Variants in GRM4 observed in about 807,000 individuals in gnomAD.
The protein encoded by GRM4 is glutamate metabotropic receptor 4.
Under a neutral mutation model 81.7 loss-of-function variants are expected in GRM4, and 28 were observed. The observed-to-expected ratio is 0.34, with a 90% CI of 0.25 to 0.47. The LOEUF is 0.47. Ranked by LOEUF, GRM4 falls within the 20% of genes least tolerant of loss-of-function variation. GRM4 has a pLI of 1.00. For missense variants in GRM4, 948 were observed against 1,290.0 expected (o/e 0.73, Z 4.06); for synonymous variants, 488 against 528.8 (o/e 0.92, Z 1.06).
rs1027229549 is a variant in GRM4, at chr6:34,133,538, T to A, written c.-42A>T. 1 of 1,509,754 alleles carries A rather than the reference T, an allele frequency of 6.6e-7. No individual in the cohort carries two copies. Among genetic ancestry groups the A allele is most frequent in the African/African-American group, 1.4e-5 (1 of 71,918 alleles). 93.5% of individuals were successfully genotyped at this position (1,509,754 alleles called of 1,614,324 possible). On this transcript the variant is annotated 5_prime_UTR_variant, in exon 2 of 11. It removes the in-frame stop codon of an upstream open reading frame in the 5' UTR. Coordinates refer to ENST00000538487, the MANE Select transcript of GRM4 (RefSeq NM_000841.4). The surrounding 1 kb of genome is among the most constrained non-coding windows in gnomAD (Gnocchi z 6.5). The stretch of plus-strand genomic sequence containing the variant: ...GACCCATGAACGGCAGGCCCACTCC[T>A]AGCCCTGGCAGGCCCCTGGCCCCAC...
rs565176415 is a variant in GRM4, at chr6:34,042,987, G to A, written c.1169-2239C>T. 4.1e-4 allele frequency among the ~76,000 whole-genome samples: 62 copies of A among 152,258 alleles called. 1 individual carries two copies. The South Asian group carries it at 0.012, about 31-fold the overall frequency. ...TCCTCAGGGTAGGTACTCAGATATTGCTGAGTGGACAGTAGAAACCATAGA... is the reference window on the plus strand; with the variant it reads ...TCCTCAGGGTAGGTACTCAGATATTACTGAGTGGACAGTAGAAACCATAGA... On this transcript the variant is annotated intron_variant, in intron 6 of 10. Coordinates refer to ENST00000538487, the MANE Select transcript of GRM4 (RefSeq NM_000841.4). This position sits in a 1 kb window ranked among gnomAD's most constrained non-coding sequence, Gnocchi z 4.2.
intron 6 of GRM4, among the ~76,000 whole-genome samples, chr6:34,045,029 ACCC>A (rs1464981875): frequency 6.6e-6 from 1 of 151,452 alleles, no homozygotes; most frequent in Non-Finnish European, 1.5e-5. Context: ...ACACACACAC[ACCC>A]CCACCACACC....
intron 3 of GRM4, among the ~76,000 whole-genome samples, chr6:34,077,697 C>A (rs1767386558): frequency 6.6e-6 from 1 of 152,112 alleles, no homozygotes; most frequent in Non-Finnish European, 1.5e-5. Context: ...ACATCAGAGC[C>A]TTTAGTCAGA....
At chr6:34,044,161 TACAC>T (rs531019999) in intron 6 of GRM4, among the ~76,000 whole-genome samples, 27 of 145,008 alleles carry the variant, frequency 1.9e-4, no homozygotes, top group African/African-American at 5.1e-4. Flanking sequence ...TATATACACA[TACAC>T]ACACATATAC....
Position 34,090,890 on chromosome 6 carries a change from C to T in GRM4, c.736+993G>A, listed in dbSNP as rs1481368796. 6.6e-6 allele frequency among the ~76,000 whole-genome samples: 1 copy of T among 152,048 alleles called. No individual in the cohort carries two copies. Among genetic ancestry groups the T allele is most frequent in the African/African-American group, 2.4e-5 (1 of 41,364 alleles). On this transcript the variant is annotated intron_variant, in intron 3 of 10. Coordinates refer to ENST00000538487, the MANE Select transcript of GRM4 (RefSeq NM_000841.4). This position sits in a 1 kb window ranked among gnomAD's most constrained non-coding sequence, Gnocchi z 5.2. ...GTAGAGGCAGGGCCTTGGGAGAGAC[C>T]AGGGGCAGGGCAGACGGGCCCTCTC... is the stretch of plus-strand genomic sequence containing the variant.
At chr6:34,085,805 C>T (rs1008182656) in intron 3 of GRM4, among the ~76,000 whole-genome samples, 3 of 152,034 alleles carry the variant, frequency 2.0e-5, no homozygotes, top group South Asian at 2.1e-4. Flanking sequence ...GAGCAGGGTA[C>T]GGGGACTGGA....
At position 34,070,063 on chromosome 6, in the gene GRM4, G is replaced by A. The variant is rs775790627; in HGVS notation, c.737-8035C>T. Among the ~76,000 whole-genome samples, 31 of 152,248 alleles carry A rather than the reference G, an allele frequency of 2.0e-4. No homozygotes were observed. Among genetic ancestry groups the A allele is most frequent in the Non-Finnish European group, 3.2e-4 (22 of 68,016 alleles). ...TGACGGGGTTTTGAAGGGACAGCTC[G>A]GCAGGAGCTGCCAGCATGGGCGTGA... is the stretch of plus-strand genomic sequence containing the variant. On this transcript the variant is annotated intron_variant, in intron 3 of 10. Coordinates refer to ENST00000538487, the MANE Select transcript of GRM4 (RefSeq NM_000841.4). This position sits in a 1 kb window ranked among gnomAD's most constrained non-coding sequence, Gnocchi z 4.6.
intron 2 of GRM4, chr6:34,103,563 T>C (rs966198536): frequency 1.3e-6 from 2 of 1,517,848 alleles, no homozygotes; most frequent in African/African-American, 1.4e-5. Context: ...GAAATGTAGA[T>C]CAATAAATTA....
intron 6 of GRM4, among the ~76,000 whole-genome samples, chr6:34,049,285 C>T (rs1027708428): frequency 1.3e-5 from 2 of 152,150 alleles, no homozygotes; most frequent in Non-Finnish European, 2.9e-5. Context: ...CACTTGGCCC[C>T]TGGACAGCAT....
intron 9 of GRM4, among the ~76,000 whole-genome samples, chr6:34,030,680 T>C (rs768822787): frequency 2.6e-5 from 4 of 152,214 alleles, no homozygotes; most frequent in East Asian, 1.9e-4. Flanking sequence ...TGCCACCATA[T>C]TGAATCGTGG....
intron 1 of GRM4, among the ~76,000 whole-genome samples, chr6:34,140,759 G>A (rs1413030157): frequency 6.6e-6 from 1 of 152,234 alleles, no homozygotes; most frequent in Non-Finnish European, 1.5e-5. Flanking sequence ...AAGTGTCTTT[G>A]TTTGCAGCTG....
chr6:34,040,331 G>T lies in GRM4; in HGVS notation c.1370-17C>A. ...CTGCGATGCCTGTAAGGGTGGGCGG[G>T]TGTCTTTGCAGAGCCTTTACCCAGA... On this transcript the variant is annotated splice_polypyrimidine_tract_variant and intron_variant, in intron 7 of 10. Coordinates refer to ENST00000538487, the MANE Select transcript of GRM4 (RefSeq NM_000841.4). 1.2e-6 allele frequency: 2 copies of T among 1,613,042 alleles called. No individual in the cohort carries two copies. Among genetic ancestry groups the T allele is most frequent in the Non-Finnish European group, 8.5e-7 (1 of 1,179,398 alleles).
intron 10 of GRM4, among the ~76,000 whole-genome samples, chr6:34,025,115 T>G (rs1256724394): frequency 6.6e-6 from 1 of 152,150 alleles, no homozygotes; most frequent in African/African-American, 2.4e-5. Flanking sequence ...GCTCTTCCCC[T>G]CCTTTGCTGG....
rs1281247512 is a variant in GRM4 at position 34,146,016 on chromosome 6, G to GGA, written c.-382_-381dup. 2.0e-6 allele frequency: 2 copies of GGA among 985,434 alleles called. No individual in the cohort carries two copies. Among genetic ancestry groups the GGA allele is most frequent in the East Asian group, 2.3e-4 (2 of 8,804 alleles). 61.0% of individuals were successfully genotyped at this position (985,434 alleles called of 1,614,324 possible). ...CTCACCTACCCCGAGGACATGGCGG[G>GGA]GACCCCTTCTCACCCCAGAGGGGGA... is the stretch of plus-strand genomic sequence containing the variant. On this transcript the variant is annotated 5_prime_UTR_variant, in exon 1 of 11. It removes the in-frame stop codon of an upstream open reading frame in the 5' UTR. Coordinates refer to ENST00000538487, the MANE Select transcript of GRM4 (RefSeq NM_000841.4).
intron 3 of GRM4, among the ~76,000 whole-genome samples, chr6:34,073,276 C>T (rs1767109489): frequency 1.0e-3 from 1 of 982 alleles, no homozygotes; most frequent in Admixed American, 0.012. Context: ...CACGTCACCA[C>T]ACAGATACCA....
At chr6:34,097,374 G>T (rs902854878) in intron 2 of GRM4, among the ~76,000 whole-genome samples, 1 of 151,770 alleles carries the variant, frequency 6.6e-6, no homozygotes. Context: ...ATGCATGCCT[G>T]TGTGTGTGTG....
At chr6:34,043,977 G>A (rs1432942043) in intron 6 of GRM4, among the ~76,000 whole-genome samples, 1 of 152,042 alleles carries the variant, frequency 6.6e-6, no homozygotes, top group Non-Finnish European at 1.5e-5. Flanking sequence ...GTAGCATATG[G>A]AAAGACTGGG....
rs1330176971 is a variant in GRM4 at position 34,040,209 on chromosome 6, A to G, written c.1475T>C (p.Ile492Thr). ...GTGCAGGTGGTCAGTCCAGGAGCCA[A>G]TGACCTTGTACTCGGCAGAATCGTT... ...LRNDSAEYKV[I>T]GSWTDHLHLR... is the part of the protein sequence containing the mutation. The change falls in exon 8 of 11, where the codon ATT (isoleucine) becomes ACT (threonine). Residue 492 changes from isoleucine (I) to threonine (T), a missense_variant. Transcript: ENST00000538487. The G allele has an allele frequency of 1.9e-6, 3 of 1,614,156 alleles. No individual in the cohort carries two copies. Among genetic ancestry groups the G allele is most frequent in the South Asian group, 1.1e-5 (1 of 91,086 alleles).
chr6:34,020,651 C>A lies in GRM4; in HGVS notation c.*2170G>T, dbSNP rs1763838309. The A allele has an allele frequency of 1.3e-5, 2 of 151,766 alleles. No homozygotes were observed. The highest frequency in any genetic ancestry group is 6.6e-5 in the Admixed American group (1 of 15,160). The allele number at this position is 151,766 out of a possible 1,614,324, so 9.4% of individuals were successfully genotyped here. On this transcript the variant is annotated 3_prime_UTR_variant, in exon 11 of 11. Coordinates refer to ENST00000538487, the MANE Select transcript of GRM4 (RefSeq NM_000841.4). ...CTTTCCTGGGCAGAGGTCTTAGGAACCATTCCGCAAGATGATCAGCGAGAC... is the reference window on the plus strand; with the variant it reads ...CTTTCCTGGGCAGAGGTCTTAGGAAACATTCCGCAAGATGATCAGCGAGAC...
Sources: gnomAD v4.1 joint callset for allele counts (sites outside exome capture counted in the v4.1 genomes callset) on GRCh38, gnomAD v4.1.1 for gene constraint, Gnocchi (gnomAD v3.1) non-coding constraint, MANE v1.5 for transcripts, NCBI Gene and HGNC (gene_info 2026-07-23, HGNC 2026-07-21) for gene names.